Variants in SNTG1 observed in about 807,000 individuals in gnomAD.
The protein encoded by SNTG1 is gamma-1-syntrophin.
A neutral mutation model predicts 74.7 loss-of-function variants in SNTG1; 39 were observed. The ratio of observed to expected loss-of-function variants is 0.52; its 90% CI spans 0.40 to 0.68. The LOEUF is 0.68. Among genes scored for constraint, SNTG1 ranks in the 30% least tolerant of loss-of-function variants. The pLI, the probability that SNTG1 is intolerant of heterozygous loss-of-function variation, is 0.00. For missense variants in SNTG1, 685 were observed against 609.5 expected, an observed-to-expected ratio of 1.12 and a Z score of -1.30; for synonymous variants, 254 against 217.1, an observed-to-expected ratio of 1.17 and a Z score of -1.49.
chr8:50,010,032 T>C (rs954647611), intron 1 of SNTG1, among the ~76,000 whole-genome samples: 7 of 152,190 alleles, frequency 4.6e-5, no homozygotes, highest in African/African-American at 1.4e-4. Context: ...TTCTCCTTTT[T>C]GTTTTTCCTT....
At chr8:50,545,077 G>T (rs1484366530) in intron 11 of SNTG1, among the ~76,000 whole-genome samples, 1 of 151,864 alleles carries the variant, frequency 6.6e-6, no homozygotes, top group Non-Finnish European at 1.5e-5. Flanking sequence ...TACAAATAAA[G>T]AAAATTATTT....
At chr8:49,944,089 T>C (rs924116742) in intron 1 of SNTG1, among the ~76,000 whole-genome samples, 11 of 152,196 alleles carry the variant, frequency 7.2e-5, no homozygotes, top group Admixed American at 7.2e-4. Context: ...CCCTTCCAAA[T>C]TATTTCAGCA....
intron 1 of SNTG1, among the ~76,000 whole-genome samples, chr8:49,942,826 T>A (rs1808820594): frequency 6.6e-6 from 1 of 152,206 alleles, no homozygotes; most frequent in Non-Finnish European, 1.5e-5. Flanking sequence ...TGGACTTCAG[T>A]CACTTGGCTG....
chr8:50,027,932 G>C (rs1314958754), intron 1 of SNTG1, among the ~76,000 whole-genome samples: 1 of 152,130 alleles, frequency 6.6e-6, no homozygotes, highest in East Asian at 1.9e-4. Flanking sequence ...AAATAGTACA[G>C]AATATCCAGC....
At chr8:50,777,101 A>T (rs1045518642) in intron 18 of SNTG1, among the ~76,000 whole-genome samples, 7 of 151,674 alleles carry the variant, frequency 4.6e-5, no homozygotes, top group African/African-American at 1.7e-4. Flanking sequence ...TTAGTCTCTT[A>T]AATCTATAGG....
intron 1 of SNTG1, among the ~76,000 whole-genome samples, chr8:50,055,393 A>T (rs1223031572): frequency 6.6e-6 from 1 of 152,136 alleles, no homozygotes; most frequent in Admixed American, 6.5e-5. Context: ...TTGAATGAAG[A>T]AATATGATTT....
chr8:50,749,310 A>G (rs2095561983), intron 17 of SNTG1, among the ~76,000 whole-genome samples: 1 of 152,078 alleles, frequency 6.6e-6, no homozygotes, highest in South Asian at 2.1e-4. Flanking sequence ...CTGAAGAAGA[A>G]AAGGTTGAAG....
chr8:50,697,181 G>C (rs146169477), intron 15 of SNTG1, among the ~76,000 whole-genome samples: 35 of 151,820 alleles, frequency 2.3e-4, no homozygotes, highest in African/African-American at 7.7e-4. Context: ...ATGTATTTCC[G>C]GGTTTTTTTG....
At chr8:50,618,084 C>G (rs2094897197) in intron 13 of SNTG1, among the ~76,000 whole-genome samples, 1 of 152,154 alleles carries the variant, frequency 6.6e-6, no homozygotes, top group East Asian at 1.9e-4. Context: ...AAAGACATTA[C>G]TTATCTTCGC....
intron 1 of SNTG1, among the ~76,000 whole-genome samples, chr8:50,071,202 A>T (rs1821333223): frequency 1.3e-5 from 2 of 152,076 alleles, no homozygotes; most frequent in Middle Eastern, 6.8e-3. Context: ...ACATGAACTT[A>T]TTTTTCCTGT....
chr8:50,298,680 C>A (rs899803720), intron 2 of SNTG1, among the ~76,000 whole-genome samples: 2 of 152,098 alleles, frequency 1.3e-5, no homozygotes, highest in Non-Finnish European at 2.9e-5. Flanking sequence ...AATTTTATTA[C>A]CCTTTGGATC....
At chr8:50,018,634 T>C (rs1009622972) in intron 1 of SNTG1, among the ~76,000 whole-genome samples, 2 of 151,996 alleles carry the variant, frequency 1.3e-5, no homozygotes, top group Non-Finnish European at 2.9e-5. Flanking sequence ...GCAAAAAAGA[T>C]AGATAAAATG....
chr8:50,293,317 C>A (rs1479869395), intron 2 of SNTG1, among the ~76,000 whole-genome samples: 1 of 151,992 alleles, frequency 6.6e-6, no homozygotes, highest in Non-Finnish European at 1.5e-5. Flanking sequence ...TATGTCTTCA[C>A]ATGGTTTTCC....
chr8:50,418,645 T>C (rs1043000419), intron 4 of SNTG1, among the ~76,000 whole-genome samples: 4 of 152,092 alleles, frequency 2.6e-5, no homozygotes, highest in South Asian at 4.1e-4. Context: ...GGAGGTCCAG[T>C]AGGCATTTTC....
At chr8:50,652,129 A>AT (rs2131241211) in intron 13 of SNTG1, among the ~76,000 whole-genome samples, 1 of 152,224 alleles carries the variant, frequency 6.6e-6, no homozygotes, top group South Asian at 2.1e-4. Context: ...GGATATTCTA[A>AT]TTTTTTGTGA....
intron 2 of SNTG1, among the ~76,000 whole-genome samples, chr8:50,355,259 A>T (rs548095427): frequency 2.3e-5 from 3 of 129,276 alleles, no homozygotes; most frequent in Non-Finnish European, 3.4e-5. Context: ...AATTAATTAA[A>T]TAAATTAAAT....
intron 1 of SNTG1, among the ~76,000 whole-genome samples, chr8:49,950,686 A>G (rs866204311): frequency 4.6e-5 from 7 of 152,314 alleles, no homozygotes; most frequent in Middle Eastern, 6.8e-3. Context: ...AATAAAAGTA[A>G]TATGTTGTGT....
intron 18 of SNTG1, among the ~76,000 whole-genome samples, chr8:50,759,490 G>GTTAATTTT (rs1424894046): frequency 2.0e-5 from 3 of 152,134 alleles, no homozygotes; most frequent in East Asian, 1.9e-4. Context: ...TTTGTATAAA[G>GTTAATTTT]TGTAAAGAAG....
chr8:50,198,644 TA>T (rs1231857948), intron 2 of SNTG1, among the ~76,000 whole-genome samples: 1 of 152,204 alleles, frequency 6.6e-6, no homozygotes, highest in African/African-American at 2.4e-5. Context: ...ATTTCTTTTT[TA>T]AAATGTCATA....
Sources: allele counts gnomAD v4.1 joint callset (sites outside exome capture counted in the v4.1 genomes callset), GRCh38; gene constraint gnomAD v4.1.1; transcripts MANE v1.5; gene names NCBI Gene and HGNC (gene_info 2026-07-23, HGNC 2026-07-21).